GOPC: variants seen among roughly 807,000 people sequenced by gnomAD.
GOPC encodes the protein golgi associated PDZ and coiled-coil motif containing.
A neutral mutation model predicts 51.2 loss-of-function variants in GOPC; 32 were observed. The ratio of observed to expected loss-of-function variants is 0.63; its 90% CI spans 0.47 to 0.84. GOPC has a LOEUF of 0.84. GOPC is among the 40% of genes least tolerant of loss of function. The probability of loss-of-function intolerance (pLI) is 0.00; values close to 1 mark genes in which losing one functional copy is unlikely to be tolerated. For synonymous variants in GOPC, 190 were observed against 205.1 expected (o/e 0.93, Z 0.63); for missense variants, 441 against 555.5 (o/e 0.79, Z 2.07).
intron 1 of GOPC, among the ~76,000 whole-genome samples, chr6:117,590,888 C>T (rs971662739): frequency 2.6e-5 from 4 of 152,030 alleles, no homozygotes; most frequent in Non-Finnish European, 2.9e-5. Context: ...AGTCTCACGC[C>T]GTTGCCCAGG....
intron 1 of GOPC, among the ~76,000 whole-genome samples, chr6:117,590,143 T>C (rs148801640): frequency 1.3e-5 from 2 of 152,356 alleles, no homozygotes; most frequent in East Asian, 1.9e-4. Context: ...TGAAGATTTA[T>C]AGCAGAACAC....
In GOPC at chr6:117,590,505, G is replaced by A. The variant is rs550209654; in HGVS notation, c.286-11441C>T. On this transcript the variant is annotated intron_variant, in intron 1 of 8. Transcript: ENST00000368498. ...GAGGATCACTTGAGCCCGGGAGGTC[G>A]AGGCTGCAGTAAGCCATGATCGTGT... is the stretch of plus-strand genomic sequence containing the variant. 8.1e-5 allele frequency among the ~76,000 whole-genome samples: 12 copies of A among 148,212 alleles called. No homozygotes were observed. The South Asian group carries it at 8.5e-4, about 10-fold the overall frequency.
intron 1 of GOPC, among the ~76,000 whole-genome samples, 174 bp from the exon 2 acceptor site, chr6:117,579,238 T>C (rs1212556108): frequency 6.6e-6 from 1 of 152,096 alleles, no homozygotes; most frequent in East Asian, 1.9e-4. Context: ...AAATCAATAG[T>C]ATAAGTCAGA....
chr6:117,560,750 C>T lies in GOPC; in HGVS notation c.*2504G>A. The T allele has an allele frequency of 4.9e-6, 1 of 205,970 alleles. No individual in the cohort carries two copies. 12.8% of individuals were successfully genotyped at this position (205,970 alleles called of 1,614,324 possible). A position where few individuals can be genotyped will look rare whatever the true frequency, so the allele number is the denominator to read the frequency against. ...TTTAGAGGTTAAGTGTAAATATATACACGCACACATACAACCCTCACATTT... is the reference window on the plus strand; with the variant it reads ...TTTAGAGGTTAAGTGTAAATATATATACGCACACATACAACCCTCACATTT... On this transcript the variant is annotated 3_prime_UTR_variant, in exon 9 of 9. Coordinates refer to ENST00000368498, the MANE Select transcript of GOPC (RefSeq NM_020399.4).
intron 1 of GOPC, among the ~76,000 whole-genome samples, chr6:117,585,508 C>A (rs1301055750): frequency 6.6e-6 from 1 of 152,054 alleles, no homozygotes; most frequent in Admixed American, 6.5e-5. Flanking sequence ...AAGCTAACAA[C>A]CTAAAACATC....
intron 1 of GOPC, among the ~76,000 whole-genome samples, chr6:117,595,519 A>C (rs1036946817): frequency 1.3e-5 from 2 of 152,142 alleles, no homozygotes; most frequent in Non-Finnish European, 2.9e-5. Flanking sequence ...ACTGTATCCA[A>C]TGTGTCATCT....
intron 1 of GOPC, among the ~76,000 whole-genome samples, chr6:117,581,400 A>G (rs1478609846): frequency 6.6e-6 from 1 of 152,016 alleles, no homozygotes; most frequent in African/African-American, 2.4e-5. Flanking sequence ...ATATATAAAC[A>G]TATCAGGGAA....
At chr6:117,572,679 C>G (rs1451643713) in intron 5 of GOPC, among the ~76,000 whole-genome samples, 2 of 152,168 alleles carry the variant, frequency 1.3e-5, no homozygotes, top group East Asian at 3.8e-4. Context: ...CGCTCCATTT[C>G]CCAAATCTAC....
At chr6:117,564,154 A>T (rs894183989) in intron 8 of GOPC, among the ~76,000 whole-genome samples, 90 of 151,852 alleles carry the variant, frequency 5.9e-4, no homozygotes, top group Middle Eastern at 3.4e-3. Context: ...TATTTTAAAA[A>T]TTTTTTTGAA....
chr6:117,600,394 A>T (rs1004595364), intron 1 of GOPC, among the ~76,000 whole-genome samples: 3 of 152,244 alleles, frequency 2.0e-5, no homozygotes, highest in Non-Finnish European at 4.4e-5. Context: ...AAGGCCCCAC[A>T]TTGGAGATTC....
chr6:117,565,057 G>A (rs1053283375), intron 8 of GOPC, among the ~76,000 whole-genome samples: 1 of 151,620 alleles, frequency 6.6e-6, no homozygotes, highest in Admixed American at 6.6e-5. Flanking sequence ...CATATTAGTA[G>A]GTAAAATTGA....
rs1186090590 is a variant in GOPC, at chr6:117,560,285, C to T, written c.*2969G>A. On this transcript the variant is annotated 3_prime_UTR_variant, in exon 9 of 9. Coordinates refer to ENST00000368498, the MANE Select transcript of GOPC (RefSeq NM_020399.4). ...GCCAAAATATTTAACGTCAAGGAAA[C>T]AAAATGTTTATTTAAAAAAATGAGA... is the stretch of plus-strand genomic sequence containing the variant. The T allele has an allele frequency of 2.3e-5, 4 of 174,656 alleles. No homozygotes were observed. In the South Asian group the frequency reaches 6.0e-4, roughly 26 times the overall value. 10.8% of individuals were successfully genotyped at this position (174,656 alleles called of 1,614,324 possible).
In GOPC at chr6:117,561,585, GT is replaced by G; in HGVS notation, c.*1668del. On this transcript the variant is annotated 3_prime_UTR_variant, in exon 9 of 9. Coordinates refer to ENST00000368498, the MANE Select transcript of GOPC (RefSeq NM_020399.4). ...GGGATTCATAAAGAAAAAACAAGTT[GT>G]TTTTTTTCTTTTAAGAGGCCTACCC... 1 of 208,732 alleles carries G rather than the reference GT, an allele frequency of 4.8e-6. No individual in the cohort carries two copies. The highest frequency in any genetic ancestry group is 7.2e-5 in the East Asian group (1 of 13,866). 12.9% of individuals were successfully genotyped at this position (208,732 alleles called of 1,614,324 possible).
chr6:117,575,688 G>A (rs1189602632), intron 3 of GOPC, among the ~76,000 whole-genome samples: 1 of 152,066 alleles, frequency 6.6e-6, no homozygotes, highest in African/African-American at 2.4e-5. Flanking sequence ...AGTTAAATAA[G>A]GACCCCAATA....
At chr6:117,601,133 C>A (rs1771999978) in intron 1 of GOPC, among the ~76,000 whole-genome samples, 1 of 152,150 alleles carries the variant, frequency 6.6e-6, no homozygotes, top group African/African-American at 2.4e-5. Flanking sequence ...AAGAAAGACC[C>A]ATTCTCTTAA....
intron 1 of GOPC, 42 bp downstream of exon 1, chr6:117,601,962 G>A (rs1772021263): frequency 1.2e-6 from 2 of 1,600,932 alleles, no homozygotes; most frequent in African/African-American, 2.7e-5. Flanking sequence ...CCACCGGGCA[G>A]CCTGGGGTTG....
intron 1 of GOPC, among the ~76,000 whole-genome samples, chr6:117,598,140 CTT>C: frequency 6.7e-6 from 1 of 149,780 alleles, no homozygotes. Context: ...AGGAGGATCT[CTT>C]GAGCCCATGA....
At chr6:117,587,907 T>C (rs1377571579) in intron 1 of GOPC, among the ~76,000 whole-genome samples, 1 of 152,044 alleles carries the variant, frequency 6.6e-6, no homozygotes, top group Non-Finnish European at 1.5e-5. Flanking sequence ...AAGGTCTCAC[T>C]GTGTTGTCCA....
At chr6:117,565,463 C>T (rs927051324) in intron 8 of GOPC, among the ~76,000 whole-genome samples, 2 of 152,142 alleles carry the variant, frequency 1.3e-5, no homozygotes, top group African/African-American at 4.8e-5. Flanking sequence ...AATCCATTTG[C>T]CTATCTTGCA....
Sources: gnomAD v4.1 joint callset for allele counts (sites outside exome capture counted in the v4.1 genomes callset) on GRCh38, gnomAD v4.1.1 for gene constraint, MANE v1.5 for transcripts, NCBI Gene and HGNC (gene_info 2026-07-23, HGNC 2026-07-21) for gene names.